The following PRKAR2B variants were observed in gnomAD, a reference collection of about 807,000 sequenced individuals.
PRKAR2B encodes cAMP-dependent protein kinase type II-beta regulatory subunit.
PRKAR2B carries 14 observed loss-of-function variants against 49.9 expected under a neutral mutation model. The ratio of observed to expected loss-of-function variants is 0.28; its 90% confidence interval spans 0.19 to 0.44. The LOEUF is 0.44. Ranked by LOEUF, PRKAR2B falls within the 20% of genes least tolerant of loss-of-function variation. The pLI is 1.00. For missense variants in PRKAR2B, 393 were observed against 537.9 expected (o/e 0.73, Z 2.67); for synonymous variants, 196 against 197.7 (o/e 0.99, Z 0.07).
chr7:107,075,821 T>TA (rs1243737393), intron 2 of PRKAR2B, among the ~76,000 whole-genome samples: 3 of 152,184 alleles, frequency 2.0e-5, no homozygotes, highest in Non-Finnish European at 2.9e-5. Flanking sequence ...AATAAAGCCT[T>TA]AGAGAGTCAT....
At chr7:107,104,770 G>T (rs1194790266) in intron 2 of PRKAR2B, among the ~76,000 whole-genome samples, 1 of 152,206 alleles carries the variant, frequency 6.6e-6, no homozygotes, top group Non-Finnish European at 1.5e-5. Context: ...TGGAAATATA[G>T]TGGGAGTCTG....
intron 2 of PRKAR2B, among the ~76,000 whole-genome samples, chr7:107,083,358 C>A (rs191648906): frequency 3.1e-4 from 47 of 151,710 alleles, no homozygotes; most frequent in African/African-American, 1.1e-3. Flanking sequence ...TCTTAGTAGT[C>A]TAATTTGCAA....
chr7:107,081,028 A>G (rs1794505132), intron 2 of PRKAR2B, among the ~76,000 whole-genome samples: 1 of 152,222 alleles, frequency 6.6e-6, no homozygotes, highest in African/African-American at 2.4e-5. Flanking sequence ...TGCAAAATAA[A>G]CTTTTATATA....
At chr7:107,059,965 G>A (rs1793994579) in intron 1 of PRKAR2B, among the ~76,000 whole-genome samples, 1 of 152,052 alleles carries the variant, frequency 6.6e-6, no homozygotes, top group Admixed American at 6.6e-5. Flanking sequence ...GAGCAAATAC[G>A]AGAACCCAGC....
In PRKAR2B at chr7:107,155,054, G is replaced by A. The variant is rs536148741; in HGVS notation, c.918+1803G>A. Among the ~76,000 whole-genome samples the A allele has an allele frequency of 5.3e-5, 8 of 152,028 alleles. No individual in the cohort carries two copies. The South Asian group carries it at 1.5e-3, about 28-fold the overall frequency. The stretch of plus-strand genomic sequence containing the variant: ...CCAATGCTTGCGATGTTAGGATGAC[G>A]CAGGGTGCATGTCTCGGCACTTCCT... On this transcript the variant is annotated intron_variant, in intron 8 of 10. Transcript: ENST00000265717.
chr7:107,155,067 C>A (rs992729573), intron 8 of PRKAR2B, among the ~76,000 whole-genome samples: 1 of 151,760 alleles, frequency 6.6e-6, no homozygotes, highest in Non-Finnish European at 1.5e-5. Flanking sequence ...GGGTGCATGT[C>A]TCGGCACTTC....
At chr7:107,152,790 T>A (rs1170831402) in intron 7 of PRKAR2B, among the ~76,000 whole-genome samples, 1 of 152,190 alleles carries the variant, frequency 6.6e-6, no homozygotes, top group African/African-American at 2.4e-5. Context: ...CATATTTCTT[T>A]AAATAAGAGT....
At chr7:107,118,538 C>T (rs890232258) in intron 2 of PRKAR2B, among the ~76,000 whole-genome samples, 1 of 151,800 alleles carries the variant, frequency 6.6e-6, no homozygotes, top group Non-Finnish European at 1.5e-5. Flanking sequence ...AGCACACAGT[C>T]GGTTCCTGGA....
chr7:107,070,352 T>C (rs1794240351), intron 2 of PRKAR2B, 36 bp downstream of exon 2: 1 of 1,534,756 alleles, frequency 6.5e-7, no homozygotes, highest in Admixed American at 1.7e-5. Flanking sequence ...TGTTTATTAA[T>C]GGTGACATTT....
intron 2 of PRKAR2B, among the ~76,000 whole-genome samples, chr7:107,101,785 A>G (rs1261169973): frequency 6.6e-6 from 1 of 151,878 alleles, no homozygotes; most frequent in Non-Finnish European, 1.5e-5. Flanking sequence ...GCCATGGGCT[A>G]CCACTGTCCT....
chr7:107,063,161 G>T (rs1329214854), intron 1 of PRKAR2B, among the ~76,000 whole-genome samples: 6 of 152,052 alleles, frequency 3.9e-5, no homozygotes, highest in Non-Finnish European at 8.8e-5. Context: ...GCACCACCAT[G>T]CCTGGCTAAT....
At chr7:107,081,738 A>G (rs1794519538) in intron 2 of PRKAR2B, 1 of 152,206 alleles carries the variant, frequency 6.6e-6, no homozygotes, top group Non-Finnish European at 1.5e-5. Flanking sequence ...ACAAATTAAA[A>G]TATACATTAA....
chr7:107,159,123 G>A (rs955248581), intron 10 of PRKAR2B, among the ~76,000 whole-genome samples: 4 of 152,158 alleles, frequency 2.6e-5, no homozygotes, highest in South Asian at 2.1e-4. Context: ...CTAAGGTGGA[G>A]ACAGCACATT....
In PRKAR2B at chr7:107,158,588, T is replaced by G. The variant is rs975077514; in HGVS notation, c.1124-861T>G. On this transcript the variant is annotated intron_variant, in intron 10 of 10. Transcript: ENST00000265717. ...TGGTAAATACTTCGAAGGTTTTGGCTCCAACTTTTTTGTGGGGAGCAATTT... is the reference window on the plus strand; with the variant it reads ...TGGTAAATACTTCGAAGGTTTTGGCGCCAACTTTTTTGTGGGGAGCAATTT... Among the ~76,000 whole-genome samples, 123 of 152,186 alleles carry G rather than the reference T, an allele frequency of 8.1e-4. 1 individual carries two copies. Among genetic ancestry groups the G allele is most frequent in the African/African-American group, 2.8e-3 (118 of 41,460 alleles).
intron 7 of PRKAR2B, among the ~76,000 whole-genome samples, chr7:107,152,654 A>G (rs764932008): frequency 3.3e-5 from 5 of 152,248 alleles, no homozygotes; most frequent in African/African-American, 9.6e-5. Flanking sequence ...CATCTTATAA[A>G]ATGGCAAGTG....
chr7:107,131,469 C>G (rs1034581045), intron 4 of PRKAR2B, among the ~76,000 whole-genome samples: 34 of 152,042 alleles, frequency 2.2e-4, no homozygotes, highest in Admixed American at 1.6e-3. Context: ...CATAAGAGTT[C>G]TTTTAGACTT....
At chr7:107,099,503 C>G (rs912989862) in intron 2 of PRKAR2B, among the ~76,000 whole-genome samples, 1 of 152,178 alleles carries the variant, frequency 6.6e-6, no homozygotes, top group Non-Finnish European at 1.5e-5. Context: ...GTGGGCCGCA[C>G]CCACTGTCCG....
At chr7:107,053,382 G>A (rs188098865) in intron 1 of PRKAR2B, among the ~76,000 whole-genome samples, 1 of 152,150 alleles carries the variant, frequency 6.6e-6, no homozygotes, top group Non-Finnish European at 1.5e-5. Context: ...CCAACATATA[G>A]CCTTATACAC....
rs1427258448 is a variant in PRKAR2B, at chr7:107,087,742, C to T, written c.343+17426C>T. 5.3e-5 allele frequency among the ~76,000 whole-genome samples: 8 copies of T among 152,058 alleles called. No individual in the cohort carries two copies. The East Asian group carries it at 1.5e-3, about 29-fold the overall frequency. ...GCAGCCTGGGCAACCTGGTGAAACC[C>T]TGTCTCTTTTCCTTACTTTCTATTT... On this transcript the variant is annotated intron_variant, in intron 2 of 10. Coordinates refer to ENST00000265717, the MANE Select transcript of PRKAR2B (RefSeq NM_002736.3).
Sources: gnomAD v4.1 joint callset for allele counts (sites outside exome capture counted in the v4.1 genomes callset) on GRCh38, gnomAD v4.1.1 for gene constraint, MANE v1.5 for transcripts, NCBI Gene and HGNC (gene_info 2026-07-23, HGNC 2026-07-21) for gene names.